The following IGF1R variants were observed in gnomAD, a reference collection of about 807,000 sequenced individuals.
The protein encoded by IGF1R is insulin like growth factor 1 receptor.
In IGF1R, 44 loss-of-function variants were observed where a neutral mutation model predicts 144.6. That is an observed-to-expected ratio of 0.30 (90% CI 0.24 to 0.39). The LOEUF (loss-of-function observed/expected upper bound fraction) is 0.39, where lower values mean the gene tolerates loss of function less well. Among genes scored for constraint, IGF1R ranks in the 10% least tolerant of loss-of-function variants. The probability of loss-of-function intolerance (pLI) is 1.00; values close to 1 mark genes in which losing one functional copy is unlikely to be tolerated. For synonymous variants in IGF1R, 795 were observed against 722.8 expected (o/e 1.10, Z -1.60); for missense variants, 1,355 against 1,833.7 (o/e 0.74, Z 4.77).
At chr15:98,735,587 G>T (rs187375527) in intron 2 of IGF1R, among the ~76,000 whole-genome samples, 1 of 152,194 alleles carries the variant, frequency 6.6e-6, no homozygotes, top group Non-Finnish European at 1.5e-5. Flanking sequence ...TGAGGTTCCC[G>T]GCCTCAGTAA....
chr15:98,661,956 C>CTTTTTTTTTTTTTTTTTTTTTT (rs869208651), intron 1 of IGF1R, among the ~76,000 whole-genome samples: 8 of 105,716 alleles, frequency 7.6e-5, no homozygotes, highest in Admixed American at 2.0e-4. Flanking sequence ...GAATAGGGCC[C>CTTTTTTTTTTTTTTTTTTTTTT]TTTTTTTTTT....
At chr15:98,829,903 A>G (rs1304264533) in intron 2 of IGF1R, among the ~76,000 whole-genome samples, 1 of 152,236 alleles carries the variant, frequency 6.6e-6, no homozygotes, top group African/African-American at 2.4e-5. Flanking sequence ...CTATTTAATT[A>G]TGAAAATGAG....
At chr15:98,865,895 G>A (rs2012413662) in intron 2 of IGF1R, among the ~76,000 whole-genome samples, 2 of 152,072 alleles carry the variant, frequency 1.3e-5, no homozygotes, top group African/African-American at 4.8e-5. Context: ...AGTGTTGATG[G>A]AAAATCTGCG....
intron 3 of IGF1R, among the ~76,000 whole-genome samples, chr15:98,892,555 G>A (rs947906524): frequency 1.2e-4 from 18 of 149,516 alleles, no homozygotes; most frequent in East Asian, 2.0e-4. Flanking sequence ...AGAGAAGTTC[G>A]TTATAACAAA....
At chr15:98,821,162 C>G (rs2056794415) in intron 2 of IGF1R, among the ~76,000 whole-genome samples, 1 of 152,118 alleles carries the variant, frequency 6.6e-6, no homozygotes. Flanking sequence ...CTCAGGCGTC[C>G]AAGAGTGTGT....
Position 98,958,787 on chromosome 15 carries a change from C to T in IGF1R, c.*1345C>T. The T allele has an allele frequency of 8.6e-6, 2 of 233,058 alleles. No individual in the cohort carries two copies. Among genetic ancestry groups the T allele is most frequent in the Non-Finnish European group, 1.7e-5 (2 of 117,680 alleles). The allele number at this position is 233,058 out of a possible 1,614,324, so 14.4% of individuals were successfully genotyped here. A position where few individuals can be genotyped will look rare whatever the true frequency, so the allele number is the denominator to read the frequency against. Reference sequence around the variant, plus strand: ...TCAGGTCCACCCTCTCCCCTTTCTGCTCACTCCAAGAAACTTCTTATGCTT... The same window carrying T: ...TCAGGTCCACCCTCTCCCCTTTCTGTTCACTCCAAGAAACTTCTTATGCTT... On this transcript the variant is annotated 3_prime_UTR_variant, in exon 21 of 21. Transcript: ENST00000650285.
chr15:98,781,225 A>T (rs1299318715), intron 2 of IGF1R, among the ~76,000 whole-genome samples: 3 of 152,252 alleles, frequency 2.0e-5, no homozygotes, highest in Admixed American at 6.5e-5. Context: ...TTTATAATTT[A>T]AAAACAATTT....
intron 1 of IGF1R, among the ~76,000 whole-genome samples, chr15:98,701,735 G>C (rs992636075): frequency 1.3e-5 from 2 of 152,162 alleles, no homozygotes; most frequent in Non-Finnish European, 2.9e-5. Flanking sequence ...TGTTGACAGA[G>C]GGATAATCAG....
At chr15:98,875,353 T>C (rs1421908954) in intron 2 of IGF1R, among the ~76,000 whole-genome samples, 3 of 147,312 alleles carry the variant, frequency 2.0e-5, no homozygotes, top group African/African-American at 5.0e-5. Flanking sequence ...TCTTTTCTTT[T>C]TTTTTTTTTT....
intron 2 of IGF1R, among the ~76,000 whole-genome samples, chr15:98,889,380 C>T (rs769783572): frequency 2.0e-5 from 3 of 152,126 alleles, no homozygotes; most frequent in South Asian, 2.1e-4. Context: ...GTGTGTAAAC[C>T]GGTACAAACT....
intron 7 of IGF1R, among the ~76,000 whole-genome samples, chr15:98,912,573 A>G (rs2015070733): frequency 6.6e-6 from 1 of 152,360 alleles, no homozygotes; most frequent in East Asian, 1.9e-4. Flanking sequence ...TGGAAACTAA[A>G]TATTTGAATA....
chr15:98,941,701 A>G (rs1245405080), intron 18 of IGF1R, among the ~76,000 whole-genome samples: 1 of 152,202 alleles, frequency 6.6e-6, no homozygotes, highest in African/African-American at 2.4e-5. Flanking sequence ...ATTTTACCAG[A>G]GGCAGTTTGA....
intron 2 of IGF1R, among the ~76,000 whole-genome samples, chr15:98,855,309 G>GACAGACGCCCCTC: frequency 6.6e-6 from 1 of 152,346 alleles, no homozygotes; most frequent in Non-Finnish European, 1.5e-5. Context: ...CTCGGACCCA[G>GACAGACGCCCCTC]ACAGACGCCC....
At chr15:98,693,651 G>A (rs866845645) in intron 1 of IGF1R, among the ~76,000 whole-genome samples, 44 of 152,292 alleles carry the variant, frequency 2.9e-4, no homozygotes, top group African/African-American at 1.0e-3. Flanking sequence ...TGTCACCCAG[G>A]CTGGAGTGCA....
At chr15:98,858,734 G>A (rs543525185) in intron 2 of IGF1R, among the ~76,000 whole-genome samples, 259 of 152,258 alleles carry the variant, frequency 1.7e-3, no homozygotes, top group Non-Finnish European at 2.9e-3. Flanking sequence ...ACAGCACTCC[G>A]TGGCCAGGGT....
At chr15:98,758,204 AGTG>A (rs2055203455) in intron 2 of IGF1R, among the ~76,000 whole-genome samples, 1 of 147,260 alleles carries the variant, frequency 6.8e-6, no homozygotes, top group East Asian at 2.1e-4. Context: ...AAAATTTTAA[AGTG>A]TTTTTTTTTT....
At chr15:98,687,432 C>G (rs1014319028) in intron 1 of IGF1R, among the ~76,000 whole-genome samples, 1 of 152,178 alleles carries the variant, frequency 6.6e-6, no homozygotes, top group Non-Finnish European at 1.5e-5. Flanking sequence ...ATGTCTCGTC[C>G]TTAGTAAAGG....
chr15:98,937,891 G>GC (rs2016215761), intron 17 of IGF1R, among the ~76,000 whole-genome samples: 1 of 152,148 alleles, frequency 6.6e-6, no homozygotes, highest in Non-Finnish European at 1.5e-5. Context: ...CGTATCTAAA[G>GC]CCCTGAAAAG....
intron 2 of IGF1R, among the ~76,000 whole-genome samples, chr15:98,812,396 G>T (rs1281232334): frequency 6.7e-6 from 1 of 148,626 alleles, no homozygotes; most frequent in Non-Finnish European, 1.5e-5. Flanking sequence ...TTACTCTGTC[G>T]CCCAGGCTAG....
Sources: allele counts gnomAD v4.1 joint callset (sites outside exome capture counted in the v4.1 genomes callset), GRCh38; gene constraint gnomAD v4.1.1; transcripts MANE v1.5; gene names NCBI Gene and HGNC (gene_info 2026-07-23, HGNC 2026-07-21).